SH3RF3: variants seen among roughly 807,000 people sequenced by gnomAD.
The protein encoded by SH3RF3 is E3 ubiquitin-protein ligase SH3RF3.
Under a neutral mutation model 66.3 loss-of-function variants are expected in SH3RF3, and 29 were observed. The ratio of observed to expected loss-of-function variants is 0.44; its 90% CI spans 0.33 to 0.60. SH3RF3 has a LOEUF of 0.60. Ranked by LOEUF, SH3RF3 falls within the 20% of genes least tolerant of loss-of-function variation. The pLI is 0.04. For synonymous variants in SH3RF3, 583 were observed against 532.0 expected, an observed-to-expected ratio of 1.10 and a Z score of -1.32; for missense variants, 1,194 against 1,190.9, an observed-to-expected ratio of 1.00 and a Z score of -0.04.
chr2:109,233,061 G>A (rs1309249124), intron 1 of SH3RF3, among the ~76,000 whole-genome samples: 2 of 152,204 alleles, frequency 1.3e-5, no homozygotes, highest in Non-Finnish European at 2.9e-5. Flanking sequence ...TGGGGCCGGA[G>A]CTAGTGCTTT....
intron 1 of SH3RF3, among the ~76,000 whole-genome samples, chr2:109,161,477 T>C (rs1677488410): frequency 1.3e-5 from 2 of 152,120 alleles, no homozygotes; most frequent in African/African-American, 4.8e-5. Flanking sequence ...TGGAGCATGG[T>C]TGGGTGACGT....
chr2:109,263,812 C>A (rs1441200378), intron 1 of SH3RF3, among the ~76,000 whole-genome samples: 1 of 152,098 alleles, frequency 6.6e-6, no homozygotes, highest in African/African-American at 2.4e-5. Context: ...TAAAAAAATA[C>A]AAAAAATTAG....
chr2:109,219,232 G>A (rs978980640), intron 1 of SH3RF3, among the ~76,000 whole-genome samples: 3 of 152,188 alleles, frequency 2.0e-5, no homozygotes, highest in African/African-American at 7.2e-5. Flanking sequence ...ATGTATTTGA[G>A]TTGTTCTCAG....
At chr2:109,208,601 C>T (rs892613594) in intron 1 of SH3RF3, among the ~76,000 whole-genome samples, 11 of 152,210 alleles carry the variant, frequency 7.2e-5, no homozygotes, top group African/African-American at 2.7e-4. Context: ...GTTCAAGTTG[C>T]ATATTTGTAA....
intron 1 of SH3RF3, among the ~76,000 whole-genome samples, chr2:109,341,092 T>C (rs1394838716): frequency 6.6e-6 from 1 of 152,210 alleles, no homozygotes; most frequent in Non-Finnish European, 1.5e-5. Flanking sequence ...TTTCATCAAT[T>C]CTTCATCAAT....
intron 1 of SH3RF3, among the ~76,000 whole-genome samples, chr2:109,220,837 G>A (rs922260228): frequency 6.6e-6 from 1 of 152,242 alleles, no homozygotes; most frequent in Non-Finnish European, 1.5e-5. Context: ...GTGCAAAACA[G>A]TGTGAAAGGA....
At chr2:109,188,363 T>C (rs1486139155) in intron 1 of SH3RF3, among the ~76,000 whole-genome samples, 1 of 152,182 alleles carries the variant, frequency 6.6e-6, no homozygotes, top group East Asian at 1.9e-4. Flanking sequence ...CTCACAGTGA[T>C]CACCACCTCC....
At chr2:109,357,016 A>G (rs1682959221) in intron 2 of SH3RF3, among the ~76,000 whole-genome samples, 1 of 152,134 alleles carries the variant, frequency 6.6e-6, no homozygotes, top group African/African-American at 2.4e-5. Context: ...CATTCAAGGC[A>G]TGCTGCTGCT....
chr2:109,271,488 G>A (rs574118973), intron 1 of SH3RF3, among the ~76,000 whole-genome samples: 6 of 152,298 alleles, frequency 3.9e-5, no homozygotes, highest in African/African-American at 1.2e-4. Context: ...GTAAATCAAC[G>A]TGAGACTTTG....
rs914309432 is a variant in SH3RF3 at position 109,378,010 on chromosome 2, G to A, written c.945+6329G>A. 4.6e-5 allele frequency among the ~76,000 whole-genome samples: 7 copies of A among 152,246 alleles called. No individual in the cohort carries two copies. The East Asian group carries it at 5.8e-4, about 13-fold the overall frequency. ...CCTCAAAGTAGTGAGCAGCTCCGCC[G>A]TGTTGGATTTGCCATTTTACCTTGG... On this transcript the variant is annotated intron_variant, in intron 3 of 9. Coordinates refer to ENST00000309415, the MANE Select transcript of SH3RF3 (RefSeq NM_001099289.3).
chr2:109,213,801 T>A (rs1679047303), intron 1 of SH3RF3, among the ~76,000 whole-genome samples: 1 of 151,972 alleles, frequency 6.6e-6, no homozygotes, highest in Non-Finnish European at 1.5e-5. Flanking sequence ...TGATAGGGTG[T>A]GGTGTGGTGT....
intron 1 of SH3RF3, among the ~76,000 whole-genome samples, chr2:109,179,373 G>A (rs990906314): frequency 3.9e-5 from 6 of 152,168 alleles, no homozygotes; most frequent in East Asian, 1.9e-4. Context: ...AAAGCAGAAC[G>A]TGAGAGGACA....
In SH3RF3 at chr2:109,474,969, T is replaced by TTTTG. The variant is rs202154148; in HGVS notation, c.2149-15616_2149-15613dup. 2.1e-3 allele frequency among the ~76,000 whole-genome samples: 318 copies of TTTTG among 152,046 alleles called. 2 individuals are homozygous for TTTTG. The highest frequency in any genetic ancestry group is 8.7e-3 in the East Asian group (45 of 5,166). ...TTGTCTTTTGTTTTGTTTGGGTTTTTTTTGTTTGTTTGTTTGTTTGTTTTT... is the reference window on the plus strand; with the variant it reads ...TTGTCTTTTGTTTTGTTTGGGTTTTTTTTGTTTGTTTGTTTGTTTGTTTGTTTTT... On this transcript the variant is annotated intron_variant, in intron 8 of 9. Transcript: ENST00000309415.
intron 5 of SH3RF3, among the ~76,000 whole-genome samples, chr2:109,430,320 G>A (rs1317208930): frequency 6.6e-6 from 1 of 152,220 alleles, no homozygotes; most frequent in Non-Finnish European, 1.5e-5. Flanking sequence ...TTCTCTGAGA[G>A]CAGGCACATC....
At chr2:109,403,035 C>G (rs1348290215) in intron 4 of SH3RF3, among the ~76,000 whole-genome samples, 1 of 152,190 alleles carries the variant, frequency 6.6e-6, no homozygotes, top group Non-Finnish European at 1.5e-5. Context: ...AGCCCCTTAG[C>G]TGGCCGAATT....
chr2:109,327,112 T>C (rs1413352050), intron 1 of SH3RF3, among the ~76,000 whole-genome samples: 1 of 152,260 alleles, frequency 6.6e-6, no homozygotes, highest in Admixed American at 6.5e-5. Flanking sequence ...CAGTGTTTTG[T>C]GTCTTATTTA....
chr2:109,141,146 G>A (rs916759977), intron 1 of SH3RF3, among the ~76,000 whole-genome samples: 2 of 152,048 alleles, frequency 1.3e-5, no homozygotes, highest in African/African-American at 2.4e-5. Flanking sequence ...CACACCCCCC[G>A]GAGCCCAGGT....
chr2:109,184,178 TA>T (rs1678133126), intron 1 of SH3RF3, among the ~76,000 whole-genome samples: 1 of 152,202 alleles, frequency 6.6e-6, no homozygotes, highest in Admixed American at 6.5e-5. Context: ...GATGCTTGGG[TA>T]AATCCATATC....
intron 9 of SH3RF3, among the ~76,000 whole-genome samples, chr2:109,492,952 G>A (rs1385034754): frequency 6.6e-6 from 1 of 151,950 alleles, no homozygotes; most frequent in Non-Finnish European, 1.5e-5. Flanking sequence ...CCCCTCTACA[G>A]GGCCCCAGGC....
Sources: allele counts gnomAD v4.1 joint callset (sites outside exome capture counted in the v4.1 genomes callset), GRCh38; gene constraint gnomAD v4.1.1; transcripts MANE v1.5; gene names NCBI Gene and HGNC (gene_info 2026-07-23, HGNC 2026-07-21).